TOB2: variants seen among roughly 807,000 people sequenced by gnomAD.
TOB2 encodes the protein transducer of ERBB2, 2.
In TOB2, 3 loss-of-function variants were observed where a neutral mutation model predicts 17.3. The observed-to-expected ratio is 0.17, with a 90% confidence interval of 0.08 to 0.45. The LOEUF (loss-of-function observed/expected upper bound fraction) is 0.45. TOB2 is among the 20% of genes least tolerant of loss of function. The pLI, the probability that TOB2 is intolerant of heterozygous loss-of-function variation, is 0.99. For missense variants in TOB2, 407 were observed against 445.7 expected (o/e 0.91, Z 0.78); for synonymous variants, 163 against 185.6 (o/e 0.88, Z 0.99).
intron 1 of TOB2, among the ~76,000 whole-genome samples, chr22:41,439,794 G>A (rs1277764352): frequency 6.6e-6 from 1 of 152,126 alleles, no homozygotes; most frequent in Non-Finnish European, 1.5e-5. Context: ...GGGATTACAG[G>A]CATGAGCCAA....
chr22:41,442,094 C>A (rs1175636909), intron 1 of TOB2, among the ~76,000 whole-genome samples: 1,106 of 104,646 alleles, frequency 0.011, no homozygotes, highest in Middle Eastern at 0.015. Flanking sequence ...AATTCTGCCT[C>A]AAAAAAAAAA....
intron 1 of TOB2, among the ~76,000 whole-genome samples, chr22:41,442,695 A>G (rs2146037966): frequency 6.6e-6 from 1 of 152,322 alleles, no homozygotes; most frequent in Admixed American, 6.5e-5. Context: ...AAGCTTATGG[A>G]GCAGAGGATT....
intron 1 of TOB2, among the ~76,000 whole-genome samples, chr22:41,439,664 C>T (rs1291837373): frequency 1.3e-5 from 2 of 152,018 alleles, no homozygotes; most frequent in African/African-American, 4.8e-5. Flanking sequence ...TATAGGTGCC[C>T]GTCACCACGC....
chr22:41,444,351 C>G (rs1444308575), intron 1 of TOB2, among the ~76,000 whole-genome samples: 1 of 152,226 alleles, frequency 6.6e-6, no homozygotes, highest in African/African-American at 2.4e-5. Context: ...GACAACAAGG[C>G]CCCTTTCGGC....
chr22:41,440,416 C>CTTTT (rs2146034872), intron 1 of TOB2, among the ~76,000 whole-genome samples: 1 of 151,578 alleles, frequency 6.6e-6, no homozygotes, highest in Non-Finnish European at 1.5e-5. Context: ...CGCGCCTGGC[C>CTTTT]TCTTTTTCTT....
chr22:41,436,881 C>T lies in TOB2; in HGVS notation c.465G>A (p.Ser155=), dbSNP rs369473804. 24 of 1,614,026 alleles carry T rather than the reference C, an allele frequency of 1.5e-5. No individual in the cohort carries two copies. Among genetic ancestry groups the T allele is most frequent in the East Asian group, 4.5e-5 (2 of 44,882 alleles). ...SQDSSLSNSP[S]PSFGQSPSPT... is the part of the protein sequence containing the mutation. ...GGCTGGGTGACTGGCCAAAGGATGG[C>T]GATGGGGAGTTGGACAGGGAGCTGT... The change falls in exon 2 of 2, where the codon TCG becomes TCA. Residue 155 remains serine, a synonymous_variant. Transcript: ENST00000327492. This position sits in a 1 kb window ranked among gnomAD's most constrained non-coding sequence, Gnocchi z 4.8.
At chr22:41,439,554 C>T (rs1330285438) in intron 1 of TOB2, among the ~76,000 whole-genome samples, 1 of 152,044 alleles carries the variant, frequency 6.6e-6, no homozygotes, top group South Asian at 2.1e-4. Flanking sequence ...CTCGTTCTAT[C>T]GCCCAGGCTG....
intron 1 of TOB2, 109 bp downstream of exon 1, chr22:41,446,269 AG>A (rs1197757415): frequency 6.6e-6 from 1 of 152,656 alleles, no homozygotes; most frequent in Non-Finnish European, 1.5e-5. Flanking sequence ...AGGGAGCGGC[AG>A]CAACGTGGAG....
Position 41,446,727 on chromosome 22 carries a change from G to A in TOB2, c.-411C>T, listed in dbSNP as rs2037693491. ...CGCCGGCAGACGGTCCTGCCCTCCT[G>A]GCCCCGCGTCGCCCGAGCCACGGCT... On this transcript the variant is annotated 5_prime_UTR_variant, in exon 1 of 2. Coordinates refer to ENST00000327492, the MANE Select transcript of TOB2 (RefSeq NM_016272.4). 1 of 152,434 alleles carries A rather than the reference G, an allele frequency of 6.6e-6. No individual in the cohort carries two copies. Among genetic ancestry groups the A allele is most frequent in the Non-Finnish European group, 1.5e-5 (1 of 68,244 alleles). The allele number at this position is 152,434 out of a possible 1,614,324, so 9.4% of individuals were successfully genotyped here.
chr22:41,443,432 G>A (rs535216106), intron 1 of TOB2, among the ~76,000 whole-genome samples: 2 of 151,850 alleles, frequency 1.3e-5, no homozygotes, highest in Non-Finnish European at 2.9e-5. Context: ...CAATTCTCCC[G>A]CCTCAGCCTC....
rs1232588833 is a variant in TOB2 at position 41,437,409 on chromosome 22, T to C, written c.-62-2A>G. The C allele has an allele frequency of 6.5e-7, 1 of 1,530,286 alleles. No individual in the cohort carries two copies. Among genetic ancestry groups the C allele is most frequent in the Non-Finnish European group, 8.7e-7 (1 of 1,143,008 alleles). 94.8% of individuals were successfully genotyped at this position (1,530,286 alleles called of 1,614,324 possible). A position where few individuals can be genotyped will look rare whatever the true frequency, so the allele number is the denominator to read the frequency against. The stretch of plus-strand genomic sequence containing the variant: ...TACAGCCTTGGGCTCCAGGCGGCTC[T>C]GGGAAATGAGAGGCACCGTGAGAAA... On this transcript the variant is annotated splice_acceptor_variant, in intron 1 of 1. Coordinates refer to ENST00000327492, the MANE Select transcript of TOB2 (RefSeq NM_016272.4). LOFTEE classifies it low-confidence loss of function (5UTR_SPLICE).
At chr22:41,438,400 G>A (rs550958880) in intron 1 of TOB2, among the ~76,000 whole-genome samples, 4 of 151,952 alleles carry the variant, frequency 2.6e-5, no homozygotes, top group African/African-American at 4.8e-5. Flanking sequence ...AGGCTGAGGC[G>A]GGTGGATCAC....
chr22:41,444,918 G>A (rs1245180484), intron 1 of TOB2, among the ~76,000 whole-genome samples: 2 of 152,326 alleles, frequency 1.3e-5, no homozygotes, highest in Admixed American at 6.5e-5. Flanking sequence ...GGCCTGGGCG[G>A]TCCGTGTGGG....
At chr22:41,439,558 C>T (rs1409163389) in intron 1 of TOB2, among the ~76,000 whole-genome samples, 2 of 152,072 alleles carry the variant, frequency 1.3e-5, no homozygotes, top group South Asian at 4.1e-4. Flanking sequence ...TTCTATCGCC[C>T]AGGCTGGACT....
intron 1 of TOB2, among the ~76,000 whole-genome samples, chr22:41,438,866 C>T (rs183405102): frequency 2.0e-5 from 3 of 151,866 alleles, no homozygotes; most frequent in Non-Finnish European, 2.9e-5. Context: ...CTGCAGCCTC[C>T]GGTAGGGACC....
rs1429394839 is a variant in TOB2, at chr22:41,435,285, T to C, written c.*1026A>G. Reference sequence around the variant, plus strand: ...GCAAACCAGTTCCTTCTGCAGTGTTTTCCTCTGGGAGTGTCTTGGGCTAAG... The same window carrying C: ...GCAAACCAGTTCCTTCTGCAGTGTTCTCCTCTGGGAGTGTCTTGGGCTAAG... On this transcript the variant is annotated 3_prime_UTR_variant, in exon 2 of 2. Coordinates refer to ENST00000327492, the MANE Select transcript of TOB2 (RefSeq NM_016272.4). 1 of 152,232 alleles carries C rather than the reference T, an allele frequency of 6.6e-6. No homozygotes were observed. The highest frequency in any genetic ancestry group is 6.5e-5 in the Admixed American group (1 of 15,282). 9.4% of individuals were successfully genotyped at this position (152,232 alleles called of 1,614,324 possible). A position where few individuals can be genotyped will look rare whatever the true frequency, so the allele number is the denominator to read the frequency against.
chr22:41,444,113 G>A (rs1422014640), intron 1 of TOB2, among the ~76,000 whole-genome samples: 2 of 152,204 alleles, frequency 1.3e-5, no homozygotes, highest in South Asian at 4.1e-4. Context: ...GTCACAGACC[G>A]GGTGGATGCG....
intron 1 of TOB2, among the ~76,000 whole-genome samples, chr22:41,438,132 C>T (rs1233478704): frequency 4.6e-5 from 7 of 152,038 alleles, no homozygotes; most frequent in African/African-American, 1.7e-4. Context: ...TTGGTGAAGT[C>T]GTGCCCCCAA....
chr22:41,437,100 C>T lies in TOB2; in HGVS notation c.246G>A (p.Val82=), dbSNP rs1292913709. Residue 82 remains valine (V), a synonymous_variant, in exon 2 of 2, where the codon GTG becomes GTA. Coordinates refer to ENST00000327492, the MANE Select transcript of TOB2 (RefSeq NM_016272.4). ...TCAGCTCCTCAGGCACATTGGCCCG[C>T]ACATCTTCCACCGCCAGGCCACTCC... is the stretch of plus-strand genomic sequence containing the variant. The part of the protein sequence containing the change: ...AKRSGLAVED[V]RANVPEELSV... The T allele has an allele frequency of 2.5e-6, 4 of 1,614,144 alleles. No individual in the cohort carries two copies. The highest frequency in any genetic ancestry group is 3.4e-6 in the Non-Finnish European group (4 of 1,180,018).
Sources: gnomAD v4.1 joint callset for allele counts (sites outside exome capture counted in the v4.1 genomes callset) on GRCh38, gnomAD v4.1.1 for gene constraint, Gnocchi (gnomAD v3.1) non-coding constraint, MANE v1.5 for transcripts, NCBI Gene and HGNC (gene_info 2026-07-23, HGNC 2026-07-21) for gene names.